Variants in DHRSX observed in about 807,000 individuals in gnomAD.
DHRSX encodes dehydrogenase/reductase X-linked, also known as polyprenol dehydrogenase.
In DHRSX, 31 loss-of-function variants were observed where a neutral mutation model predicts 34.0. That is an observed-to-expected ratio of 0.91 (90% CI 0.69 to 1.23). DHRSX has a LOEUF of 1.23. DHRSX is among the 50% of genes most tolerant of loss of function. The pLI, the probability that DHRSX is intolerant of heterozygous loss-of-function variation, is 0.00. For synonymous variants in DHRSX, 201 were observed against 183.8 expected, an observed-to-expected ratio of 1.09 and a Z score of -0.76; for missense variants, 414 against 428.1, an observed-to-expected ratio of 0.97 and a Z score of 0.29.
chrX:2,417,564 G>C (rs150466382), intron 2 of DHRSX, among the ~76,000 whole-genome samples: 1,990 of 151,650 alleles, frequency 0.013, 23 homozygotes, highest in Middle Eastern at 0.031. Context: ...TTCCTAACTA[G>C]ATCTCCTCAT....
At chrX:2,320,858 G>A (rs2042302575) in intron 3 of DHRSX, among the ~76,000 whole-genome samples, 2 of 152,088 alleles carry the variant, frequency 1.3e-5, no homozygotes, top group African/African-American at 2.4e-5. Flanking sequence ...GATAAAGAGG[G>A]TTAAGTGCAA....
chrX:2,362,856 C>T (rs772142717), intron 3 of DHRSX, among the ~76,000 whole-genome samples: 76 of 122,728 alleles, frequency 6.2e-4, no homozygotes, highest in African/African-American at 2.2e-3. Flanking sequence ...GGTATCATGC[C>T]GCCATTTTAT....
chrX:2,236,494 C>T (rs1429188197), intron 6 of DHRSX, among the ~76,000 whole-genome samples: 4 of 152,168 alleles, frequency 2.6e-5, no homozygotes, highest in East Asian at 3.9e-4. Context: ...TGCAGTGGCG[C>T]GATCTCGGCT....
At chrX:2,287,665 T>C (rs1439876656) in intron 4 of DHRSX, among the ~76,000 whole-genome samples, 1 of 151,870 alleles carries the variant, frequency 6.6e-6, no homozygotes, top group Non-Finnish European at 1.5e-5. Flanking sequence ...CTAATCCCCA[T>C]GTGGAAGCCG....
chrX:2,239,608 AT>A (rs1181907844), intron 6 of DHRSX, among the ~76,000 whole-genome samples: 1 of 151,146 alleles, frequency 6.6e-6, no homozygotes, highest in African/African-American at 2.5e-5. Flanking sequence ...AAAATAAAAA[AT>A]AAAAAAAAAA....
Position 2,345,612 on chromosome X carries a change from C to T in DHRSX, c.287-54009G>A, listed in dbSNP as rs115350203. Among the ~76,000 whole-genome samples the T allele has an allele frequency of 4.8e-3, 712 of 148,446 alleles. 5 individuals carry two copies. The highest frequency in any genetic ancestry group is 0.014 in the African/African-American group (549 of 40,046). Reference sequence around the variant, plus strand: ...CATTGAGCCAAGATCGCACCGAGATCGCATCGTACCCCAGCCTGGGCAACA... The same window carrying T: ...CATTGAGCCAAGATCGCACCGAGATTGCATCGTACCCCAGCCTGGGCAACA... On this transcript the variant is annotated intron_variant, in intron 3 of 6. Coordinates refer to ENST00000334651, the MANE Select transcript of DHRSX (RefSeq NM_145177.3).
At chrX:2,319,585 C>T (rs1234959195) in intron 3 of DHRSX, among the ~76,000 whole-genome samples, 1 of 149,014 alleles carries the variant, frequency 6.7e-6, no homozygotes, top group Admixed American at 6.7e-5. Flanking sequence ...TTATGATGAT[C>T]TACTTCCATT....
chrX:2,228,824 C>G (rs1319271972), intron 6 of DHRSX, among the ~76,000 whole-genome samples: 1 of 152,108 alleles, frequency 6.6e-6, no homozygotes, highest in Non-Finnish European at 1.5e-5. Flanking sequence ...AAAGCTGTTC[C>G]CTCTGAACTC....
At chrX:2,239,532 G>A (rs2016092130) in intron 6 of DHRSX, among the ~76,000 whole-genome samples, 2 of 151,960 alleles carry the variant, frequency 1.3e-5, no homozygotes, top group Admixed American at 1.3e-4. Flanking sequence ...CGAGGCAGGT[G>A]GATCACGAGG....
chrX:2,315,834 G>C (rs1171165744), intron 3 of DHRSX, among the ~76,000 whole-genome samples: 2 of 152,114 alleles, frequency 1.3e-5, no homozygotes, highest in Non-Finnish European at 2.9e-5. Context: ...GCAAAATTCA[G>C]CTTCTTGTGG....
intron 1 of DHRSX, among the ~76,000 whole-genome samples, chrX:2,469,289 C>G (rs1477095148): frequency 1.3e-5 from 2 of 150,564 alleles, no homozygotes; most frequent in Non-Finnish European, 3.0e-5. Context: ...CGTGTACACG[C>G]TGAAGACATT....
intron 5 of DHRSX, among the ~76,000 whole-genome samples, chrX:2,249,419 C>T (rs1367257349): frequency 1.4e-5 from 2 of 146,702 alleles, no homozygotes; most frequent in African/African-American, 2.5e-5. Context: ...AGGATGGTCT[C>T]GATCTCCTGA....
At chrX:2,322,133 C>T (rs1354420866) in intron 3 of DHRSX, among the ~76,000 whole-genome samples, 16 of 146,148 alleles carry the variant, frequency 1.1e-4, no homozygotes, top group Non-Finnish European at 1.5e-5. Flanking sequence ...CCCACTCTTC[C>T]CCCCCAAGAC....
At chrX:2,366,447 AAAAAG>A (rs373850163) in intron 3 of DHRSX, among the ~76,000 whole-genome samples, 44 of 152,288 alleles carry the variant, frequency 2.9e-4, no homozygotes, top group African/African-American at 7.7e-4. Context: ...TCTCAAAAAA[AAAAAG>A]AAAAGAAAAG....
chrX:2,247,547 G>A (rs776793885), intron 5 of DHRSX, among the ~76,000 whole-genome samples: 2 of 151,196 alleles, frequency 1.3e-5, no homozygotes, highest in Middle Eastern at 3.4e-3. Flanking sequence ...CCAGCTACTC[G>A]GGAAGCTGAG....
chrX:2,232,038 T>TCCCTTACTTCTCC (rs1556425138), intron 6 of DHRSX, among the ~76,000 whole-genome samples: 5 of 148,932 alleles, frequency 3.4e-5, no homozygotes, highest in African/African-American at 5.0e-5. Flanking sequence ...CTTCTCCTCC[T>TCCCTTACTTCTCC]TTTTCTCTTT....
At chrX:2,376,545 C>T (rs1252107172) in intron 3 of DHRSX, among the ~76,000 whole-genome samples, 1 of 137,496 alleles carries the variant, frequency 7.3e-6, no homozygotes. Flanking sequence ...CACCCAGAAC[C>T]TAGGAATGAA....
At chrX:2,445,184 G>A (rs148073170) in intron 1 of DHRSX, among the ~76,000 whole-genome samples, 1,567 of 152,122 alleles carry the variant, frequency 0.01, 17 homozygotes, top group South Asian at 0.025. Context: ...AGATAGTACC[G>A]GACACGCTGG....
chrX:2,441,316 G>A (rs2044059702), intron 1 of DHRSX, among the ~76,000 whole-genome samples: 1 of 152,128 alleles, frequency 6.6e-6, no homozygotes, highest in Non-Finnish European at 1.5e-5. Context: ...AAGGCAACGC[G>A]GTGGAATGTG....
Sources: allele counts gnomAD v4.1 joint callset (sites outside exome capture counted in the v4.1 genomes callset), GRCh38; gene constraint gnomAD v4.1.1; transcripts MANE v1.5; gene names NCBI Gene and HGNC (gene_info 2026-07-23, HGNC 2026-07-21).